Variants in DCAF6 observed in about 807,000 individuals in gnomAD.
The protein encoded by DCAF6 is DDB1- and CUL4-associated factor 6.
DCAF6 carries 54 observed loss-of-function variants against 125.1 expected under a neutral mutation model. That is an observed-to-expected ratio of 0.43 (90% confidence interval 0.35 to 0.54). The LOEUF (loss-of-function observed/expected upper bound fraction) is 0.54. Among genes scored for constraint, DCAF6 ranks in the 20% least tolerant of loss-of-function variants. DCAF6 has a pLI of 0.01. For missense variants in DCAF6, 934 were observed against 1,161.7 expected (o/e 0.80, Z 2.85); for synonymous variants, 371 against 390.4 (o/e 0.95, Z 0.58).
chr1:167,944,706 C>A (rs1332874097), intron 1 of DCAF6, among the ~76,000 whole-genome samples: 1 of 152,108 alleles, frequency 6.6e-6, no homozygotes, highest in Non-Finnish European at 1.5e-5. Context: ...GGATATTAGT[C>A]CCCTGTTGGA....
At chr1:168,024,302 T>C (rs1686052915) in intron 12 of DCAF6, among the ~76,000 whole-genome samples, 1 of 152,088 alleles carries the variant, frequency 6.6e-6, no homozygotes, top group Non-Finnish European at 1.5e-5. Flanking sequence ...AAAAACATTT[T>C]TTAAAAAATT....
chr1:167,865,903 C>T, the DCAF6 span, among the ~76,000 whole-genome samples: 6 of 152,196 alleles, frequency 3.9e-5, no homozygotes, highest in Non-Finnish European at 8.8e-5. Context: ...ATTCTACAGC[C>T]TGGAGTAATA....
chr1:167,901,829 GC>G, the DCAF6 span: 1 of 1,614,116 alleles, frequency 6.2e-7, no homozygotes, highest in Non-Finnish European at 8.5e-7. Context: ...CATGCCGCGG[GC>G]TTTTGACCTG....
intron 2 of DCAF6, among the ~76,000 whole-genome samples, chr1:167,962,397 T>C (rs983543274): frequency 1.3e-5 from 2 of 152,116 alleles, no homozygotes; most frequent in Admixed American, 1.3e-4. Flanking sequence ...ATGTTAGGGA[T>C]TGGGAAACTA....
chr1:167,932,903 A>G (rs1353703027), upstream of DCAF6, among the ~76,000 whole-genome samples: 2 of 152,090 alleles, frequency 1.3e-5, no homozygotes, highest in East Asian at 1.9e-4. Context: ...ACTGGAGTAC[A>G]GCTATGCAAC....
chr1:167,928,350 TAAC>T, the DCAF6 span, among the ~76,000 whole-genome samples: 4 of 151,504 alleles, frequency 2.6e-5, no homozygotes, highest in African/African-American at 4.8e-5. Context: ...CACAATGGGT[TAAC>T]AAAATTTTAA....
At chr1:168,047,748 A>G (rs576947293) in intron 16 of DCAF6, among the ~76,000 whole-genome samples, 66 of 152,118 alleles carry the variant, frequency 4.3e-4, no homozygotes, top group African/African-American at 1.5e-3. Context: ...TACTGAGGTA[A>G]TTAGAAAGTG....
chr1:167,915,512 G>A, the DCAF6 span, among the ~76,000 whole-genome samples: 2 of 152,054 alleles, frequency 1.3e-5, no homozygotes, highest in Non-Finnish European at 2.9e-5. Context: ...GTGCAATGGC[G>A]TGATCTCAGC....
Position 167,937,055 on chromosome 1 carries a change from T to G in DCAF6, c.97+47T>G, listed in dbSNP as rs368191039. On this transcript the variant is annotated intron_variant, in intron 1 of 21. Transcript: ENST00000367840. ...GAGGCGCTGAGGTCGCCGCCTAGAGTGGGGGAGGGGGCACGCTGCCGGGTC... is the reference window on the plus strand; with the variant it reads ...GAGGCGCTGAGGTCGCCGCCTAGAGGGGGGGAGGGGGCACGCTGCCGGGTC... 1.5e-5 allele frequency: 22 copies of G among 1,491,758 alleles called. No individual in the cohort carries two copies. The African/African-American group carries it at 2.5e-4, about 17-fold the overall frequency. 92.4% of individuals were successfully genotyped at this position (1,491,758 alleles called of 1,614,324 possible). A position where few individuals can be genotyped will look rare whatever the true frequency, so the allele number is the denominator to read the frequency against.
chr1:167,891,118 C>T, the DCAF6 span, among the ~76,000 whole-genome samples: 48 of 152,012 alleles, frequency 3.2e-4, no homozygotes, highest in African/African-American at 7.2e-4. Flanking sequence ...TGTGCCACCG[C>T]GCCTGGCTAA....
At chr1:167,878,695 A>T in the DCAF6 span, 1 of 1,521,514 alleles carries the variant, frequency 6.6e-7, no homozygotes, top group Non-Finnish European at 9.1e-7. Flanking sequence ...ACTGAATGTA[A>T]TCTGAAACAT....
At chr1:168,009,675 C>G (rs1684013148) in intron 10 of DCAF6, among the ~76,000 whole-genome samples, 1 of 151,952 alleles carries the variant, frequency 6.6e-6, no homozygotes, top group Non-Finnish European at 1.5e-5. Context: ...CCTGGCTTAT[C>G]ACTTGGCCAA....
chr1:168,024,996 A>G (rs1365919581), intron 12 of DCAF6, among the ~76,000 whole-genome samples: 1 of 152,088 alleles, frequency 6.6e-6, no homozygotes, highest in Admixed American at 6.6e-5. Context: ...TTATATGTTT[A>G]TTACAGAGGT....
At chr1:167,873,350 G>GT in the DCAF6 span, among the ~76,000 whole-genome samples, 3 of 152,102 alleles carry the variant, frequency 2.0e-5, no homozygotes, top group East Asian at 1.9e-4. Flanking sequence ...TGGCCCAAGT[G>GT]TTTTTTTGCA....
intron 10 of DCAF6, among the ~76,000 whole-genome samples, chr1:168,009,190 G>C (rs1683818246): frequency 6.6e-6 from 1 of 151,680 alleles, no homozygotes; most frequent in South Asian, 2.1e-4. Context: ...AGTAGAGACA[G>C]GGTTTCACCG....
intron 3 of DCAF6, among the ~76,000 whole-genome samples, chr1:167,974,339 C>G (rs929404451): frequency 6.6e-6 from 1 of 152,074 alleles, no homozygotes; most frequent in Non-Finnish European, 1.5e-5. Flanking sequence ...TTATTACTGT[C>G]ACAGTAATTC....
chr1:167,880,215 G>A, the DCAF6 span: 9 of 1,593,476 alleles, frequency 5.6e-6, no homozygotes, highest in South Asian at 1.0e-4. Context: ...GACAAGATTT[G>A]TGGGGAAAGA....
At chr1:167,902,119 C>T in the DCAF6 span, 1 of 1,460,380 alleles carries the variant, frequency 6.8e-7, no homozygotes, top group South Asian at 1.1e-5. Context: ...AAACATCATT[C>T]TTTCTTAGTG....
At chr1:167,904,728 GT>G in the DCAF6 span, 11 of 611,462 alleles carry the variant, frequency 1.8e-5, no homozygotes, top group Non-Finnish European at 2.9e-5. Flanking sequence ...AGTCAGTGAA[GT>G]TGGGGCAGAG....
Sources: gnomAD v4.1 joint callset for allele counts (sites outside exome capture counted in the v4.1 genomes callset) on GRCh38, gnomAD v4.1.1 for gene constraint, MANE v1.5 for transcripts, NCBI Gene and HGNC (gene_info 2026-07-23, HGNC 2026-07-21) for gene names.